KLHL1: variants seen among roughly 807,000 people sequenced by gnomAD.
The protein encoded by KLHL1 is kelch like family member 1.
KLHL1 carries 47 observed loss-of-function variants against 77.7 expected under a neutral mutation model. The observed-to-expected ratio is 0.60, with a 90% CI of 0.48 to 0.77. KLHL1 has a LOEUF of 0.77. Ranked by LOEUF, KLHL1 falls within the 30% of genes least tolerant of loss-of-function variation. KLHL1 has a pLI of 0.00. For synonymous variants in KLHL1, 360 were observed against 325.2 expected (o/e 1.11, Z -1.15); for missense variants, 925 against 910.8 (o/e 1.02, Z -0.20).
chr13:69,902,719 C>G (rs1881910884), intron 4 of KLHL1, among the ~76,000 whole-genome samples: 3 of 131,246 alleles, frequency 2.3e-5, no homozygotes. Context: ...AACACACAGA[C>G]AGAGGAAGGG....
At chr13:69,794,511 GAAA>G (rs767862897) in intron 7 of KLHL1, among the ~76,000 whole-genome samples, 1 of 144,042 alleles carries the variant, frequency 6.9e-6, no homozygotes, top group South Asian at 2.2e-4. Flanking sequence ...AGAAACAGTA[GAAA>G]AAAAAAGAGG....
chr13:69,837,872 T>C (rs1054866604), intron 6 of KLHL1, among the ~76,000 whole-genome samples: 1 of 151,484 alleles, frequency 6.6e-6, no homozygotes, highest in African/African-American at 2.4e-5. Context: ...CCAGGACCAA[T>C]ATTGTCTTTT....
At chr13:69,847,826 A>G (rs888646941) in intron 5 of KLHL1, among the ~76,000 whole-genome samples, 1 of 151,558 alleles carries the variant, frequency 6.6e-6, no homozygotes, top group Admixed American at 6.6e-5. Context: ...ACAGTTTCAT[A>G]GCTTGCCTTT....
At chr13:70,013,165 T>G (rs1406232925) in intron 1 of KLHL1, among the ~76,000 whole-genome samples, 1 of 151,906 alleles carries the variant, frequency 6.6e-6, no homozygotes, top group African/African-American at 2.4e-5. Flanking sequence ...GAAACTCACA[T>G]GATAAAGAAG....
chr13:69,800,829 T>G (rs1877343952), intron 6 of KLHL1, among the ~76,000 whole-genome samples: 1 of 152,184 alleles, frequency 6.6e-6, no homozygotes, highest in African/African-American at 2.4e-5. Flanking sequence ...TTGTTGTCCC[T>G]TAGAGAAAAA....
chr13:69,968,694 G>C (rs1172382883), intron 2 of KLHL1, among the ~76,000 whole-genome samples: 1 of 151,974 alleles, frequency 6.6e-6, no homozygotes, highest in Non-Finnish European at 1.5e-5. Flanking sequence ...AATGGAGCAG[G>C]GTAAGCATAA....
chr13:69,840,570 T>C (rs1043643895), intron 5 of KLHL1, among the ~76,000 whole-genome samples: 4 of 151,986 alleles, frequency 2.6e-5, no homozygotes, highest in South Asian at 4.1e-4. Flanking sequence ...AGTTACTAGA[T>C]GCTTTGGAAT....
chr13:70,074,898 T>G (rs1212715906), intron 1 of KLHL1, among the ~76,000 whole-genome samples: 1 of 152,052 alleles, frequency 6.6e-6, no homozygotes, highest in East Asian at 1.9e-4. Flanking sequence ...CAAATTCCTA[T>G]AATAATTTTA....
intron 8 of KLHL1, among the ~76,000 whole-genome samples, chr13:69,724,388 C>A (rs1873206314): frequency 6.6e-6 from 1 of 152,026 alleles, no homozygotes; most frequent in Admixed American, 6.6e-5. Flanking sequence ...TGACACCTGT[C>A]TAAGAAATTT....
At chr13:70,010,908 T>TAAA in intron 1 of KLHL1, among the ~76,000 whole-genome samples, 2 of 103,266 alleles carry the variant, frequency 1.9e-5, no homozygotes, top group South Asian at 3.2e-4. Flanking sequence ...AAAATAATAA[T>TAAA]AATAATAAAA....
intron 1 of KLHL1, among the ~76,000 whole-genome samples, chr13:70,026,140 C>G (rs980523576): frequency 1.3e-5 from 2 of 151,984 alleles, no homozygotes; most frequent in Middle Eastern, 3.2e-3. Flanking sequence ...ACAAGATCAG[C>G]AATAAATAAA....
intron 6 of KLHL1, 90 bp from the exon 7 acceptor site, chr13:69,797,052 ACT>A (rs1877139872): frequency 2.0e-6 from 2 of 1,005,980 alleles, no homozygotes; most frequent in Non-Finnish European, 1.5e-6. Context: ...ATGTGAAAAC[ACT>A]CTTGTCATAT....
At chr13:69,850,623 G>T (rs1422736721) in intron 5 of KLHL1, among the ~76,000 whole-genome samples, 1 of 151,590 alleles carries the variant, frequency 6.6e-6, no homozygotes, top group African/African-American at 2.4e-5. Flanking sequence ...TTTTGAGAAA[G>T]ATCCATCACT....
Position 70,107,879 on chromosome 13 carries a change from G to T in KLHL1, c.-180C>A, listed in dbSNP as rs935425832. On this transcript the variant is annotated 5_prime_UTR_variant, in exon 1 of 11. Coordinates refer to ENST00000377844, the MANE Select transcript of KLHL1 (RefSeq NM_020866.3). ...GCCAGGCGAAGGCTGGAGCGCAGAC[G>T]GCAAAGCCGCGCGTTTCAGCCGTGG... 1.3e-5 allele frequency: 7 copies of T among 547,936 alleles called. No homozygotes were observed. In the East Asian group the frequency reaches 1.5e-4, roughly 12 times the overall value. The allele number at this position is 547,936 out of a possible 1,614,324, so 33.9% of individuals were successfully genotyped here.
chr13:70,000,729 C>T (rs1244592642), intron 1 of KLHL1, among the ~76,000 whole-genome samples: 3 of 151,440 alleles, frequency 2.0e-5, no homozygotes, highest in African/African-American at 7.3e-5. Flanking sequence ...AACAAAGTTT[C>T]CAAATAACAG....
chr13:69,916,551 G>A (rs2138255059), intron 4 of KLHL1, among the ~76,000 whole-genome samples: 1 of 152,020 alleles, frequency 6.6e-6, no homozygotes, highest in African/African-American at 2.4e-5. Context: ...GAGAACACAT[G>A]GACAGAGGAA....
At chr13:69,881,392 A>G (rs1045287496) in intron 5 of KLHL1, among the ~76,000 whole-genome samples, 7 of 152,146 alleles carry the variant, frequency 4.6e-5, no homozygotes, top group African/African-American at 1.7e-4. Flanking sequence ...ATTAGTAAAA[A>G]TGTTGATTGT....
At chr13:69,839,402 A>T (rs74090499) in intron 5 of KLHL1, among the ~76,000 whole-genome samples, 12,282 of 151,972 alleles carry the variant, frequency 0.081, 936 homozygotes, top group African/African-American at 0.2. Context: ...ACAGAGTAAA[A>T]AAAACACTTA....
At chr13:69,948,045 ACGTAAGAAGT>A (rs1185023062) in intron 3 of KLHL1, among the ~76,000 whole-genome samples, 7 of 152,132 alleles carry the variant, frequency 4.6e-5, no homozygotes, top group African/African-American at 1.7e-4. Flanking sequence ...AACTTGATAT[ACGTAAGAAGT>A]CAATGTTTCT....
Sources: allele counts gnomAD v4.1 joint callset (sites outside exome capture counted in the v4.1 genomes callset), GRCh38; gene constraint gnomAD v4.1.1; transcripts MANE v1.5; gene names NCBI Gene and HGNC (gene_info 2026-07-23, HGNC 2026-07-21).